PALMD: variants seen among roughly 807,000 people sequenced by gnomAD.
PALMD encodes the protein palmdelphin.
Under a neutral mutation model 56.2 loss-of-function variants are expected in PALMD, and 42 were observed. That is an observed-to-expected ratio of 0.75 (90% CI 0.58 to 0.97). PALMD has a LOEUF of 0.97. Ranked by LOEUF, PALMD falls within the 50% of genes least tolerant of loss-of-function variation. The pLI, the probability that PALMD is intolerant of heterozygous loss-of-function variation, is 0.00. For synonymous variants in PALMD, 242 were observed against 222.9 expected, an observed-to-expected ratio of 1.09 and a Z score of -0.76; for missense variants, 660 against 643.8, an observed-to-expected ratio of 1.03 and a Z score of -0.27.
chr1:99,660,926 A>G lies in PALMD; in HGVS notation c.46-1393A>G, dbSNP rs373622832. Among the ~76,000 whole-genome samples the G allele has an allele frequency of 3.9e-5, 6 of 152,300 alleles. No individual in the cohort carries two copies. The East Asian group carries it at 1.2e-3, about 29-fold the overall frequency. The stretch of plus-strand genomic sequence containing the variant: ...AAATAATAAGCTGATGAAGTCATAT[A>G]TTCTCCTTACATGCAAAGAGAAACA... On this transcript the variant is annotated intron_variant, in intron 1 of 7. Transcript: ENST00000263174.
chr1:99,674,283 T>C (rs1370740056), intron 3 of PALMD, among the ~76,000 whole-genome samples: 1 of 152,128 alleles, frequency 6.6e-6, no homozygotes, highest in Non-Finnish European at 1.5e-5. Flanking sequence ...GAAAAGTAGA[T>C]TGCAATAAAC....
At chr1:99,690,630 A>T (rs1182205887) in intron 7 of PALMD, among the ~76,000 whole-genome samples, 1 of 152,126 alleles carries the variant, frequency 6.6e-6, no homozygotes, top group Non-Finnish European at 1.5e-5. Flanking sequence ...ATTTCTTGTT[A>T]TCACTTAAAT....
chr1:99,649,686 C>T (rs1046907578), intron 1 of PALMD, among the ~76,000 whole-genome samples: 2 of 152,154 alleles, frequency 1.3e-5, no homozygotes, highest in African/African-American at 4.8e-5. Context: ...TTTTCTTACC[C>T]CCATGCCTAC....
chr1:99,677,530 C>T (rs576715738), intron 3 of PALMD, among the ~76,000 whole-genome samples: 6 of 152,246 alleles, frequency 3.9e-5, no homozygotes, highest in African/African-American at 1.4e-4. Flanking sequence ...GCTATACAGT[C>T]AAAGCCAGCT....
At chr1:99,671,153 T>C (rs1653078563) in intron 3 of PALMD, among the ~76,000 whole-genome samples, 1 of 152,156 alleles carries the variant, frequency 6.6e-6, no homozygotes, top group African/African-American at 2.4e-5. Context: ...AGGGTGACAT[T>C]TGCCACTCTG....
At chr1:99,671,266 C>G (rs993859993) in intron 3 of PALMD, among the ~76,000 whole-genome samples, 1 of 151,972 alleles carries the variant, frequency 6.6e-6, no homozygotes, top group Non-Finnish European at 1.5e-5. Flanking sequence ...TGCCCATGAA[C>G]CTTTCTTTCC....
In PALMD at chr1:99,669,321, T is replaced by G. The variant is rs373982368; in HGVS notation, c.251+1555T>G. The G allele has an allele frequency of 2.6e-5, 4 of 152,204 alleles. No individual in the cohort carries two copies. The East Asian group carries it at 7.7e-4, about 29-fold the overall frequency. 9.4% of individuals were successfully genotyped at this position (152,204 alleles called of 1,614,324 possible). ...ACCCCTCAGTTATTTACTCAAAGAT[T>G]TGAAGTGCTTCTAAATAGTGGATAA... On this transcript the variant is annotated intron_variant, in intron 3 of 7. Coordinates refer to ENST00000263174, the MANE Select transcript of PALMD (RefSeq NM_017734.5).
rs1557666477 is a variant in PALMD at position 99,652,684 on chromosome 1, G to GAAAA, written c.45+6322_45+6323insAAAA. 8.9e-4 allele frequency among the ~76,000 whole-genome samples: 63 copies of GAAAA among 70,920 alleles called. No individual in the cohort carries two copies. In the East Asian group the frequency reaches 0.014, roughly 16 times the overall value. 46.5% of individuals were successfully genotyped at this position (70,920 alleles called of 152,430 possible). On this transcript the variant is annotated intron_variant, in intron 1 of 7. Coordinates refer to ENST00000263174, the MANE Select transcript of PALMD (RefSeq NM_017734.5). ...AGAAAGGAAAGGAAAGGAAAGGAAA[G>GAAAA]GAAAGGAAAGGAAAAGAAAAGAAAA...
chr1:99,679,532 A>C (rs12063167), intron 3 of PALMD, among the ~76,000 whole-genome samples: 5,582 of 152,258 alleles, frequency 0.037, 283 homozygotes, highest in African/African-American at 0.12. Flanking sequence ...CCCAGTACAG[A>C]AAAATAACCC....
At position 99,658,921 on chromosome 1, in the gene PALMD, C is replaced by T. The variant is rs527857717; in HGVS notation, c.46-3398C>T. Among the ~76,000 whole-genome samples the T allele has an allele frequency of 1.2e-3, 178 of 150,816 alleles. 1 individual carries two copies. Among genetic ancestry groups the T allele is most frequent in the African/African-American group, 3.7e-3 (153 of 41,002 alleles). ...TGATTATGCCACTGCACTCCAGCCTCGGTGACAGAGTGAGACGCTGTCTCA... is the reference window on the plus strand; with the variant it reads ...TGATTATGCCACTGCACTCCAGCCTTGGTGACAGAGTGAGACGCTGTCTCA... On this transcript the variant is annotated intron_variant, in intron 1 of 7. Transcript: ENST00000263174.
chr1:99,690,354 A>G (rs1274515705), intron 7 of PALMD, among the ~76,000 whole-genome samples: 7 of 152,274 alleles, frequency 4.6e-5, no homozygotes, highest in African/African-American at 1.7e-4. Flanking sequence ...TTGTTTCTCT[A>G]TATGTCTATA....
intron 3 of PALMD, among the ~76,000 whole-genome samples, chr1:99,675,116 G>GATCTTCAA (rs1461050358): frequency 6.6e-6 from 1 of 152,124 alleles, no homozygotes; most frequent in Non-Finnish European, 1.5e-5. Flanking sequence ...TATATTTGTT[G>GATCTTCAA]ATCTTCAAAC....
chr1:99,681,175 C>G (rs1392424679), intron 3 of PALMD, among the ~76,000 whole-genome samples: 1 of 150,212 alleles, frequency 6.7e-6, no homozygotes, highest in Non-Finnish European at 1.5e-5. Context: ...GACTTTAATC[C>G]TTGTTAGATG....
chr1:99,681,287 G>A lies in PALMD; in HGVS notation c.252-5389G>A, dbSNP rs368492895. Reference sequence around the variant, plus strand: ...CTAATTGGAGAGGAGTAAGAGTTCAGACTCTGTAAGTAAATATCTGATTTC... The same window carrying A: ...CTAATTGGAGAGGAGTAAGAGTTCAAACTCTGTAAGTAAATATCTGATTTC... On this transcript the variant is annotated intron_variant, in intron 3 of 7. Transcript: ENST00000263174. Among the ~76,000 whole-genome samples the A allele has an allele frequency of 2.8e-3, 423 of 152,126 alleles. 6 individuals carry two copies. Among genetic ancestry groups the A allele is most frequent in the South Asian group, 8.5e-3 (41 of 4,822 alleles).
Position 99,691,165 on chromosome 1 carries a change from T to C in PALMD, c.1612+1293T>C, listed in dbSNP as rs537133087. ...CTTAAGAGAGAGCTTTGGTCACTGA[T>C]CAAACTTTGCCATCTTAAACTCATT... On this transcript the variant is annotated intron_variant, in intron 7 of 7. Transcript: ENST00000263174. Among the ~76,000 whole-genome samples the C allele has an allele frequency of 2.0e-5, 3 of 152,268 alleles. No homozygotes were observed. The South Asian group carries it at 6.2e-4, about 32-fold the overall frequency.
chr1:99,646,704 A>T (rs1211138343), intron 1 of PALMD, among the ~76,000 whole-genome samples: 1 of 152,152 alleles, frequency 6.6e-6, no homozygotes, highest in South Asian at 2.1e-4. Flanking sequence ...GGCATTAGAT[A>T]AAAAAACAGA....
At chr1:99,653,272 AT>A (rs1385548268) in intron 1 of PALMD, among the ~76,000 whole-genome samples, 1 of 152,002 alleles carries the variant, frequency 6.6e-6, no homozygotes, top group Admixed American at 6.6e-5. Context: ...CTGCTGACAG[AT>A]TTTTTTTCAC....
At chr1:99,663,796 C>T (rs192343466) in intron 2 of PALMD, among the ~76,000 whole-genome samples, 3 of 152,256 alleles carry the variant, frequency 2.0e-5, no homozygotes, top group Admixed American at 1.3e-4. Context: ...AAGTAAGTTT[C>T]GCATGAGAAG....
rs1653614913 is a variant in PALMD, at chr1:99,689,831, C to T, written c.1571C>T (p.Ala524Val). 1.2e-6 allele frequency: 2 copies of T among 1,611,906 alleles called. No homozygotes were observed. Among genetic ancestry groups the T allele is most frequent in the Non-Finnish European group, 1.7e-6 (2 of 1,179,490 alleles). The change falls in exon 7 of 8, where the codon GCT becomes GTT. Residue 524 changes from alanine to valine, a missense_variant. Transcript: ENST00000263174. ...CCTGTCCACCATTCCCCATTTGATGCTCAGACAACTGGAGATGGGACTGAG... is the reference window on the plus strand; with the variant it reads ...CCTGTCCACCATTCCCCATTTGATGTTCAGACAACTGGAGATGGGACTGAG... The part of the protein sequence containing the change: ...GSPVHHSPFD[A>V]QTTGDGTEDP...
Sources: gnomAD v4.1 joint callset for allele counts (sites outside exome capture counted in the v4.1 genomes callset) on GRCh38, gnomAD v4.1.1 for gene constraint, MANE v1.5 for transcripts, NCBI Gene and HGNC (gene_info 2026-07-23, HGNC 2026-07-21) for gene names.